PTPN14: variants seen among roughly 807,000 people sequenced by gnomAD.
The protein encoded by PTPN14 is tyrosine-protein phosphatase non-receptor type 14.
Under a neutral mutation model 126.8 loss-of-function variants are expected in PTPN14, and 53 were observed. The observed-to-expected ratio is 0.42, with a 90% confidence interval of 0.34 to 0.53. PTPN14 has a LOEUF of 0.53. Ranked by LOEUF, PTPN14 falls within the 20% of genes least tolerant of loss-of-function variation. The pLI is 0.08. For missense variants in PTPN14, 1,257 were observed against 1,552.9 expected, an observed-to-expected ratio of 0.81 and a Z score of 3.20; for synonymous variants, 630 against 599.3, an observed-to-expected ratio of 1.05 and a Z score of -0.75.
chr1:214,530,510 T>C (rs1655518318), intron 1 of PTPN14: 2 of 151,896 alleles, frequency 1.3e-5, no homozygotes, highest in South Asian at 2.1e-4. Context: ...CCTGGCTACT[T>C]TTTGTATTTT....
chr1:214,475,903 T>C (rs1558120290), intron 1 of PTPN14, among the ~76,000 whole-genome samples: 1 of 152,198 alleles, frequency 6.6e-6, no homozygotes, highest in African/African-American at 2.4e-5. Flanking sequence ...CAATGAACCA[T>C]GCTGATATGA....
rs71165970 is a variant in PTPN14, at chr1:214,449,011, CT to C, written c.344+2793del. On this transcript the variant is annotated intron_variant, in intron 3 of 18. Coordinates refer to ENST00000366956, the MANE Select transcript of PTPN14 (RefSeq NM_005401.5). The stretch of plus-strand genomic sequence containing the variant: ...TGTGCCCTTGTAAGACTTAATTTTT[CT>C]TTTTTTTTTTTTGAGACGGAGTCTC... 9.3e-4 allele frequency among the ~76,000 whole-genome samples: 105 copies of C among 112,338 alleles called. 1 individual carries two copies. The highest frequency in any genetic ancestry group is 8.0e-4 in the Admixed American group (8 of 9,988). The allele number at this position is 112,338 out of a possible 152,430, so 73.7% of individuals were successfully genotyped here. A position where few individuals can be genotyped will look rare whatever the true frequency, so the allele number is the denominator to read the frequency against.
chr1:214,520,372 T>C (rs1655225591), intron 1 of PTPN14, among the ~76,000 whole-genome samples: 1 of 152,176 alleles, frequency 6.6e-6, no homozygotes, highest in South Asian at 2.1e-4. Context: ...TAAATTAGAC[T>C]GTGGTAAGCA....
At chr1:214,359,751 G>A (rs959937871) in intron 18 of PTPN14, among the ~76,000 whole-genome samples, 5 of 152,098 alleles carry the variant, frequency 3.3e-5, no homozygotes, top group Non-Finnish European at 5.9e-5. Flanking sequence ...AAACTCCTGA[G>A]CTCAAGTAAT....
At chr1:214,509,865 A>C (rs1190324152) in intron 1 of PTPN14, among the ~76,000 whole-genome samples, 1 of 152,220 alleles carries the variant, frequency 6.6e-6, no homozygotes, top group East Asian at 1.9e-4. Flanking sequence ...GGAAACTATC[A>C]TTCTGAGCAA....
At chr1:214,401,918 T>C in intron 6 of PTPN14, 146 bp from the exon 7 acceptor site, 1 of 627,656 alleles carries the variant, frequency 1.6e-6, no homozygotes, top group Non-Finnish European at 2.8e-6. Context: ...GTAGGGTGCA[T>C]TACTAAGTAA....
At chr1:214,485,677 A>C (rs1311670432) in intron 1 of PTPN14, among the ~76,000 whole-genome samples, 2 of 152,160 alleles carry the variant, frequency 1.3e-5, no homozygotes, top group Admixed American at 1.3e-4. Flanking sequence ...ACTGCGCCTA[A>C]ATGCATGAAG....
intron 2 of PTPN14, among the ~76,000 whole-genome samples, chr1:214,464,115 C>A (rs1236166765): frequency 2.0e-5 from 3 of 149,400 alleles, no homozygotes; most frequent in African/African-American, 7.4e-5. Flanking sequence ...CTCTGTTTTA[C>A]AGGCTCCCAC....
intron 17 of PTPN14, among the ~76,000 whole-genome samples, chr1:214,365,128 C>T (rs910472941): frequency 5.3e-5 from 8 of 152,238 alleles, no homozygotes; most frequent in Admixed American, 1.3e-4. Context: ...ATCCATCTGC[C>T]CCTTCTTCCT....
At chr1:214,483,864 T>C (rs1180910144) in intron 1 of PTPN14, among the ~76,000 whole-genome samples, 1 of 152,212 alleles carries the variant, frequency 6.6e-6, no homozygotes, top group Non-Finnish European at 1.5e-5. Flanking sequence ...ACCTAACTCA[T>C]AGAGATGGGC....
chr1:214,365,273 G>C (rs1658055075), intron 17 of PTPN14, among the ~76,000 whole-genome samples: 1 of 152,136 alleles, frequency 6.6e-6, no homozygotes, highest in Admixed American at 6.5e-5. Context: ...CCCCATTCTG[G>C]AGGCAACATG....
intron 1 of PTPN14, among the ~76,000 whole-genome samples, chr1:214,500,601 T>TTG (rs199964962): frequency 0.042 from 6,378 of 152,252 alleles, 206 homozygotes; most frequent in Middle Eastern, 0.12. Context: ...GACAACCTCC[T>TTG]AATGTTTCAG....
At chr1:214,361,019 C>T (rs2102505065) in intron 18 of PTPN14, among the ~76,000 whole-genome samples, 1 of 152,302 alleles carries the variant, frequency 6.6e-6, no homozygotes, top group Admixed American at 6.5e-5. Flanking sequence ...CTTAATTCCC[C>T]TTTATCCTTC....
chr1:214,457,515 T>C (rs1572012082), intron 2 of PTPN14, among the ~76,000 whole-genome samples: 1 of 152,200 alleles, frequency 6.6e-6, no homozygotes, highest in East Asian at 1.9e-4. Flanking sequence ...TTCTTCCACT[T>C]GTTAAGTTAA....
chr1:214,445,029 A>T (rs1029029834), intron 3 of PTPN14, among the ~76,000 whole-genome samples: 1 of 152,208 alleles, frequency 6.6e-6, no homozygotes, highest in African/African-American at 2.4e-5. Context: ...CCCAGACAGG[A>T]ACTATCTTTA....
intron 2 of PTPN14, among the ~76,000 whole-genome samples, chr1:214,459,657 C>T (rs1394831747): frequency 3.3e-5 from 5 of 151,672 alleles, no homozygotes; most frequent in Admixed American, 6.6e-5. Context: ...TTAGTAGGGA[C>T]GGGGTTTCAC....
At chr1:214,472,908 T>C (rs1300412416) in intron 1 of PTPN14, among the ~76,000 whole-genome samples, 1 of 152,244 alleles carries the variant, frequency 6.6e-6, no homozygotes, top group African/African-American at 2.4e-5. Flanking sequence ...TAAAAAGTGT[T>C]GTAGTGTGCC....
intron 1 of PTPN14, among the ~76,000 whole-genome samples, chr1:214,521,673 C>T (rs1218855230): frequency 6.6e-6 from 1 of 151,996 alleles, no homozygotes; most frequent in Admixed American, 6.6e-5. Flanking sequence ...CGAGATAGCG[C>T]CACTGCATTC....
chr1:214,424,509 G>T (rs1286777000), intron 3 of PTPN14, among the ~76,000 whole-genome samples: 1 of 151,600 alleles, frequency 6.6e-6, no homozygotes, highest in African/African-American at 2.4e-5. Context: ...TGAGACAATT[G>T]AGTGGGACAC....
Sources: allele counts gnomAD v4.1 joint callset (sites outside exome capture counted in the v4.1 genomes callset), GRCh38; gene constraint gnomAD v4.1.1; transcripts MANE v1.5; gene names NCBI Gene and HGNC (gene_info 2026-07-23, HGNC 2026-07-21).